Variants in MAN1A2 observed in about 807,000 individuals in gnomAD.
MAN1A2 encodes the protein mannosidase alpha class 1A member 2, also known as mannosyl-oligosaccharide 1,2-alpha-mannosidase IB.
In MAN1A2, 26 loss-of-function variants were observed where a neutral mutation model predicts 75.7. The observed-to-expected ratio is 0.34, with a 90% CI of 0.25 to 0.48. The LOEUF (loss-of-function observed/expected upper bound fraction) is 0.48, where lower values mean the gene tolerates loss of function less well. Among genes scored for constraint, MAN1A2 ranks in the 20% least tolerant of loss-of-function variants. The pLI is 0.99. For synonymous variants in MAN1A2, 247 were observed against 264.6 expected (o/e 0.93, Z 0.65); for missense variants, 562 against 775.5 (o/e 0.72, Z 3.27).
chr1:117,505,231 A>T (rs1049033807), intron 12 of MAN1A2, among the ~76,000 whole-genome samples: 1 of 151,290 alleles, frequency 6.6e-6, no homozygotes, highest in African/African-American at 2.4e-5. Flanking sequence ...TTCTAATTTC[A>T]GTTCAAATTT....
intron 1 of MAN1A2, among the ~76,000 whole-genome samples, chr1:117,401,571 G>C (rs17037253): frequency 0.12 from 18,268 of 152,126 alleles, 1,159 homozygotes; most frequent in Non-Finnish European, 0.14. Context: ...TTCCAAATCT[G>C]TGTGTACACC....
At chr1:117,505,680 G>T (rs1315757062) in intron 12 of MAN1A2, among the ~76,000 whole-genome samples, 1 of 151,178 alleles carries the variant, frequency 6.6e-6, no homozygotes, top group African/African-American at 2.4e-5. Flanking sequence ...GCACTTCCTG[G>T]CAGCTAAAGC....
At chr1:117,449,357 G>A (rs971056095) in intron 6 of MAN1A2, among the ~76,000 whole-genome samples, 3 of 151,986 alleles carry the variant, frequency 2.0e-5, no homozygotes, top group African/African-American at 4.8e-5. Flanking sequence ...CTAGGAGTTC[G>A]AGACCAGCCT....
intron 7 of MAN1A2, among the ~76,000 whole-genome samples, chr1:117,462,867 A>T (rs1220459084): frequency 6.6e-6 from 1 of 152,116 alleles, no homozygotes; most frequent in Non-Finnish European, 1.5e-5. Context: ...GAAACTCAAG[A>T]CTACAGATAC....
At chr1:117,430,310 AC>A (rs1171835735) in intron 5 of MAN1A2, among the ~76,000 whole-genome samples, 5 of 108,602 alleles carry the variant, frequency 4.6e-5, no homozygotes, top group South Asian at 3.3e-4. Flanking sequence ...CGGGGGGCTG[AC>A]CCCCCCCACC....
At chr1:117,384,594 G>A (rs191180115) in intron 1 of MAN1A2, among the ~76,000 whole-genome samples, 29 of 152,186 alleles carry the variant, frequency 1.9e-4, no homozygotes, top group Non-Finnish European at 3.7e-4. Flanking sequence ...TAGGTGCTCT[G>A]CATATGTTGG....
intron 6 of MAN1A2, among the ~76,000 whole-genome samples, chr1:117,455,146 T>A (rs1570757316): frequency 6.6e-6 from 1 of 152,170 alleles, no homozygotes; most frequent in African/African-American, 2.4e-5. Context: ...AGTTGTCATA[T>A]TCATCCAATG....
At chr1:117,451,184 C>A (rs1557956139) in intron 6 of MAN1A2, among the ~76,000 whole-genome samples, 1 of 152,232 alleles carries the variant, frequency 6.6e-6, no homozygotes, top group Non-Finnish European at 1.5e-5. Context: ...GGATGTGAGA[C>A]ATGGAGTCAA....
chr1:117,433,062 GA>G (rs932927433), intron 5 of MAN1A2, among the ~76,000 whole-genome samples: 2 of 151,456 alleles, frequency 1.3e-5, no homozygotes, highest in African/African-American at 4.8e-5. Context: ...CAATAAAGGA[GA>G]AAAATCATAT....
chr1:117,378,826 T>G (rs1653240801), intron 1 of MAN1A2, among the ~76,000 whole-genome samples: 1 of 152,168 alleles, frequency 6.6e-6, no homozygotes, highest in African/African-American at 2.4e-5. Context: ...ACTATTTGAG[T>G]TTCTTAATCT....
At chr1:117,425,370 A>G (rs1299200521) in intron 5 of MAN1A2, among the ~76,000 whole-genome samples, 2 of 152,230 alleles carry the variant, frequency 1.3e-5, no homozygotes, top group African/African-American at 2.4e-5. Flanking sequence ...CATTAATCCT[A>G]TGTGACACAC....
At position 117,434,747 on chromosome 1, in the gene MAN1A2, CTGTGTGTGTGTGTGTG is replaced by C. The variant is rs61681259; in HGVS notation, c.856-7450_856-7435del. On this transcript the variant is annotated intron_variant, in intron 5 of 12. Transcript: ENST00000356554. ...GTTATAGACCAGTAGTTGGTTACAG[CTGTGTGTGTGTGTGTG>C]TGTGTGTGTGTGTGTGTGTGTGTGT... Among the ~76,000 whole-genome samples the C allele has an allele frequency of 4.3e-3, 587 of 135,418 alleles. 1 individual carries two copies. Among genetic ancestry groups the C allele is most frequent in the African/African-American group, 0.013 (488 of 36,878 alleles). 88.8% of individuals were successfully genotyped at this position (135,418 alleles called of 152,430 possible). A position where few individuals can be genotyped will look rare whatever the true frequency, so the allele number is the denominator to read the frequency against.
chr1:117,432,131 T>C (rs1648691979), intron 5 of MAN1A2, among the ~76,000 whole-genome samples: 1 of 152,160 alleles, frequency 6.6e-6, no homozygotes, highest in African/African-American at 2.4e-5. Flanking sequence ...TTTGAAAGAA[T>C]CAACAGAATT....
At chr1:117,402,623 T>A (rs913009472) in intron 2 of MAN1A2, among the ~76,000 whole-genome samples, 182 bp downstream of exon 2, 5 of 151,992 alleles carry the variant, frequency 3.3e-5, no homozygotes, top group Non-Finnish European at 7.4e-5. Context: ...ATGTTAATTA[T>A]AATGTAATTA....
intron 1 of MAN1A2, among the ~76,000 whole-genome samples, chr1:117,385,452 A>G (rs555465088): frequency 1.3e-5 from 2 of 151,434 alleles, no homozygotes; most frequent in African/African-American, 4.9e-5. Context: ...GCCTTCCTGC[A>G]TTCCACCCTA....
At chr1:117,374,192 G>A (rs1653069786) in intron 1 of MAN1A2, among the ~76,000 whole-genome samples, 1 of 152,040 alleles carries the variant, frequency 6.6e-6, no homozygotes, top group African/African-American at 2.4e-5. Flanking sequence ...CCTGTAGTCG[G>A]AGGCTGAGGT....
intron 3 of MAN1A2, among the ~76,000 whole-genome samples, chr1:117,406,013 T>G (rs1165475256): frequency 6.6e-6 from 1 of 152,128 alleles, no homozygotes; most frequent in Non-Finnish European, 1.5e-5. Context: ...GATAGGAAAT[T>G]CTTGTAGTTC....
intron 6 of MAN1A2, among the ~76,000 whole-genome samples, chr1:117,443,192 A>G (rs534329570): frequency 6.6e-6 from 1 of 152,110 alleles, no homozygotes; most frequent in South Asian, 2.1e-4. Context: ...CTATGACATT[A>G]TTTTTAGAAA....
intron 5 of MAN1A2, among the ~76,000 whole-genome samples, chr1:117,421,971 T>G (rs754475611): frequency 2.6e-5 from 4 of 152,130 alleles, no homozygotes; most frequent in Non-Finnish European, 5.9e-5. Context: ...TAAAGGTGAT[T>G]TTGGAAACAT....
Sources: gnomAD v4.1 joint callset for allele counts (sites outside exome capture counted in the v4.1 genomes callset) on GRCh38, gnomAD v4.1.1 for gene constraint, MANE v1.5 for transcripts, NCBI Gene and HGNC (gene_info 2026-07-23, HGNC 2026-07-21) for gene names.